The following CTNNA3 variants were observed in gnomAD, a reference collection of about 807,000 sequenced individuals.
The protein encoded by CTNNA3 is catenin alpha-3.
CTNNA3 carries 76 observed loss-of-function variants against 95.7 expected under a neutral mutation model. The ratio of observed to expected loss-of-function variants is 0.79; its 90% CI spans 0.66 to 0.96. The LOEUF (loss-of-function observed/expected upper bound fraction) is 0.96. Among genes scored for constraint, CTNNA3 ranks in the 40% least tolerant of loss-of-function variants. The probability of loss-of-function intolerance (pLI) is 0.00; values close to 1 mark genes in which losing one functional copy is unlikely to be tolerated. For synonymous variants in CTNNA3, 431 were observed against 374.4 expected, an observed-to-expected ratio of 1.15 and a Z score of -1.74; for missense variants, 1,191 against 1,089.8, an observed-to-expected ratio of 1.09 and a Z score of -1.31.
At chr10:67,241,494 A>AT (rs1235572418) in intron 5 of CTNNA3, among the ~76,000 whole-genome samples, 2 of 152,092 alleles carry the variant, frequency 1.3e-5, no homozygotes, top group African/African-American at 4.8e-5. Flanking sequence ...GTAAAGTTGA[A>AT]TTTTTTAATT....
At chr10:66,922,022 T>C (rs7897388) in intron 7 of CTNNA3, among the ~76,000 whole-genome samples, 13,105 of 152,312 alleles carry the variant, frequency 0.086, 681 homozygotes, top group African/African-American at 0.15. Flanking sequence ...CAGTTTCATA[T>C]TGGACTAAAA....
At chr10:66,308,555 C>T (rs2091962091) in intron 12 of CTNNA3, among the ~76,000 whole-genome samples, 1 of 152,124 alleles carries the variant, frequency 6.6e-6, no homozygotes, top group South Asian at 2.1e-4. Flanking sequence ...AAAACAAAAA[C>T]TTATCAATTC....
intron 7 of CTNNA3, among the ~76,000 whole-genome samples, chr10:67,165,936 C>T (rs1861748425): frequency 6.6e-6 from 1 of 152,210 alleles, no homozygotes; most frequent in Non-Finnish European, 1.5e-5. Context: ...TATCATATCT[C>T]TGCTATGCAC....
intron 10 of CTNNA3, among the ~76,000 whole-genome samples, chr10:66,558,873 AT>A (rs1159666875): frequency 6.6e-6 from 1 of 152,042 alleles, no homozygotes; most frequent in Non-Finnish European, 1.5e-5. Context: ...TCACTAAATA[AT>A]TCTATCAGTC....
chr10:66,578,340 T>A (rs547522575), intron 10 of CTNNA3, among the ~76,000 whole-genome samples: 1 of 151,910 alleles, frequency 6.6e-6, no homozygotes, highest in Non-Finnish European at 1.5e-5. Context: ...TTGGCTAGGA[T>A]CTCCTTTACT....
At chr10:67,453,231 T>G (rs1318433122) in intron 5 of CTNNA3, among the ~76,000 whole-genome samples, 3 of 152,124 alleles carry the variant, frequency 2.0e-5, no homozygotes, top group Admixed American at 6.5e-5. Context: ...ATGAAAGACA[T>G]GAAAATCCCA....
At chr10:66,509,860 C>A (rs1840593921) in intron 11 of CTNNA3, among the ~76,000 whole-genome samples, 1 of 151,780 alleles carries the variant, frequency 6.6e-6, no homozygotes, top group Non-Finnish European at 1.5e-5. Context: ...ACCCTTTTGG[C>A]TTGGTATTGC....
chr10:67,226,926 C>A (rs117886114), intron 5 of CTNNA3, among the ~76,000 whole-genome samples: 2 of 152,136 alleles, frequency 1.3e-5, no homozygotes, highest in Non-Finnish European at 2.9e-5. Flanking sequence ...CTTAAATGCT[C>A]GACTTAAAAG....
chr10:67,401,675 AC>A (rs1425065036), intron 5 of CTNNA3, among the ~76,000 whole-genome samples: 2 of 152,174 alleles, frequency 1.3e-5, no homozygotes, highest in Admixed American at 1.3e-4. Context: ...CCCCAAGCAG[AC>A]CTGATGAGGG....
At chr10:67,426,075 C>T (rs1003934677) in intron 5 of CTNNA3, among the ~76,000 whole-genome samples, 6 of 151,930 alleles carry the variant, frequency 3.9e-5, no homozygotes, top group South Asian at 4.1e-4. Flanking sequence ...AGTGTTCCAG[C>T]GCATGAAATG....
chr10:67,668,899 C>T (rs1414104283), intron 1 of CTNNA3, among the ~76,000 whole-genome samples: 3 of 131,744 alleles, frequency 2.3e-5, no homozygotes, highest in Admixed American at 9.2e-5. Flanking sequence ...AGTGCAATGG[C>T]GTGATCTCGG....
At chr10:66,330,224 C>T (rs1263912396) in intron 12 of CTNNA3, among the ~76,000 whole-genome samples, 1 of 151,584 alleles carries the variant, frequency 6.6e-6, no homozygotes, top group Non-Finnish European at 1.5e-5. Flanking sequence ...CCCCCCTCTC[C>T]CCACCCCACA....
intron 7 of CTNNA3, among the ~76,000 whole-genome samples, chr10:66,788,414 G>A (rs959718021): frequency 1.3e-5 from 2 of 152,284 alleles, no homozygotes; most frequent in African/African-American, 2.4e-5. Context: ...GGAGATTGCT[G>A]TGATGATAAT....
rs548839451 is a variant in CTNNA3 at position 66,618,575 on chromosome 10, A to T, written c.1374+3117T>A. 3.9e-5 allele frequency among the ~76,000 whole-genome samples: 6 copies of T among 152,292 alleles called. No homozygotes were observed. The South Asian group carries it at 1.2e-3, about 32-fold the overall frequency. On this transcript the variant is annotated intron_variant, in intron 10 of 17. Coordinates refer to ENST00000433211, the MANE Select transcript of CTNNA3 (RefSeq NM_013266.4). Reference sequence around the variant, plus strand: ...AAAATTAATTCAAGAAGGATTAAAGACTTAAACGTTAGACCTAAAACCATA... The same window carrying T: ...AAAATTAATTCAAGAAGGATTAAAGTCTTAAACGTTAGACCTAAAACCATA...
rs866894854 is a variant in CTNNA3 at position 66,280,492 on chromosome 10, C to T, written c.1862G>A (p.Arg621Lys). ...KKIYDTIHDI[R>K]CSVMMIRTPE... ...TACCCGAATCATCATGACTGAACATCTGATATCATGAATTGTATCATAGAT... is the reference window on the plus strand; with the variant it reads ...TACCCGAATCATCATGACTGAACATTTGATATCATGAATTGTATCATAGAT... Residue 621 changes from arginine (R) to lysine (K), a missense_variant, in exon 13 of 18, where the codon AGA (arginine) becomes AAA (lysine). Physicochemically the swap from Arg to Lys is conservative, Grantham distance 26 (BLOSUM62 2). Coordinates refer to ENST00000433211, the MANE Select transcript of CTNNA3 (RefSeq NM_013266.4). 4 of 1,605,762 alleles carry T rather than the reference C, an allele frequency of 2.5e-6. No homozygotes were observed. Among genetic ancestry groups the T allele is most frequent in the Non-Finnish European group, 3.4e-6 (4 of 1,176,852 alleles).
At chr10:67,433,843 C>A (rs10997637) in intron 5 of CTNNA3, among the ~76,000 whole-genome samples, 1 of 151,884 alleles carries the variant, frequency 6.6e-6, no homozygotes, top group Non-Finnish European at 1.5e-5. Flanking sequence ...TCAACCCTAG[C>A]CATACCACCT....
chr10:66,533,584 G>T (rs1841544816), intron 10 of CTNNA3, among the ~76,000 whole-genome samples: 1 of 152,088 alleles, frequency 6.6e-6, no homozygotes, highest in African/African-American at 2.4e-5. Flanking sequence ...AAAAAGCAGT[G>T]ATCTTAATGT....
intron 15 of CTNNA3, among the ~76,000 whole-genome samples, chr10:66,004,661 T>C (rs2078842728): frequency 6.6e-6 from 1 of 152,228 alleles, no homozygotes; most frequent in Non-Finnish European, 1.5e-5. Context: ...TTCTATAACA[T>C]CTAAAGAGCA....
rs139517600 is a variant in CTNNA3, at chr10:66,256,339, A to G, written c.1884+24131T>C. Among the ~76,000 whole-genome samples, 1,360 of 152,268 alleles carry G rather than the reference A, an allele frequency of 8.9e-3. 12 individuals carry two copies. Among genetic ancestry groups the G allele is most frequent in the Non-Finnish European group, 0.015 (1,051 of 68,016 alleles). On this transcript the variant is annotated intron_variant, in intron 13 of 17. Coordinates refer to ENST00000433211, the MANE Select transcript of CTNNA3 (RefSeq NM_013266.4). ...CAAAGACGTCAGACAAAAACTCCAAAAATTAGAGGAAGACCCACAAACTCC... is the reference window on the plus strand; with the variant it reads ...CAAAGACGTCAGACAAAAACTCCAAGAATTAGAGGAAGACCCACAAACTCC...
Sources: allele counts gnomAD v4.1 joint callset (sites outside exome capture counted in the v4.1 genomes callset), GRCh38; gene constraint gnomAD v4.1.1; transcripts MANE v1.5; gene names NCBI Gene and HGNC (gene_info 2026-07-23, HGNC 2026-07-21).